The following INSYN2A variants were observed in gnomAD, a reference collection of about 807,000 sequenced individuals.
The protein encoded by INSYN2A is inhibitory synaptic factor 2A.
In INSYN2A, 17 loss-of-function variants were observed where a neutral mutation model predicts 39.4. The observed-to-expected ratio is 0.43, with a 90% CI of 0.30 to 0.65. The LOEUF (loss-of-function observed/expected upper bound fraction) is 0.65. Among genes scored for constraint, INSYN2A ranks in the 30% least tolerant of loss-of-function variants. The probability of loss-of-function intolerance (pLI) is 0.14; values close to 1 mark genes in which losing one functional copy is unlikely to be tolerated. For missense variants in INSYN2A, 595 were observed against 631.2 expected (o/e 0.94, Z 0.61); for synonymous variants, 255 against 265.7 (o/e 0.96, Z 0.39).
In INSYN2A at chr10:127,137,893, G is replaced by T. The variant is rs542825513; in HGVS notation, c.1384C>A (p.Gln462Lys). 4 of 1,614,124 alleles carry T rather than the reference G, an allele frequency of 2.5e-6. No individual in the cohort carries two copies. The highest frequency in any genetic ancestry group is 1.3e-5 in the African/African-American group (1 of 75,034). The change falls in exon 6 of 6, where the codon CAA becomes AAA. Residue 462 changes from glutamine to lysine, a missense_variant. By Grantham distance (53) the Gln-to-Lys change is moderately conservative. Around this residue, in one of 2 missense-constraint regions of INSYN2A, gnomAD observed 117 missense variants for 163.8 expected, o/e 0.71. Coordinates refer to ENST00000522781, the MANE Select transcript of INSYN2A (RefSeq NM_001039762.3). ...SQETYSSTPK[Q>K]KSKTESKKHG... ...TTTTTAGATTCAGTTTTGGATTTTTGCTTGGGAGTTGAGGAGTAAGTCTCC... is the reference window on the plus strand; with the variant it reads ...TTTTTAGATTCAGTTTTGGATTTTTTCTTGGGAGTTGAGGAGTAAGTCTCC...
At chr10:127,186,123 A>C (rs1192604473) in intron 2 of INSYN2A, among the ~76,000 whole-genome samples, 1 of 152,104 alleles carries the variant, frequency 6.6e-6, no homozygotes, top group African/African-American at 2.4e-5. Context: ...TTTCAGAGGG[A>C]AAAAAACAAT....
At chr10:127,153,712 A>T (rs1396166916) in intron 5 of INSYN2A, 140 bp downstream of exon 5, 1 of 658,592 alleles carries the variant, frequency 1.5e-6, no homozygotes, top group African/African-American at 1.8e-5. Flanking sequence ...GAGGTAGCTT[A>T]GAATTACAGT....
At chr10:127,170,597 C>T (rs1157060095) in intron 4 of INSYN2A, among the ~76,000 whole-genome samples, 4 of 152,190 alleles carry the variant, frequency 2.6e-5, no homozygotes, top group Non-Finnish European at 5.9e-5. Flanking sequence ...GGTTGCCACA[C>T]TGTAGTTGCT....
At chr10:127,139,586 A>G (rs898829713) in intron 5 of INSYN2A, among the ~76,000 whole-genome samples, 4 of 152,208 alleles carry the variant, frequency 2.6e-5, no homozygotes, top group Non-Finnish European at 5.9e-5. Flanking sequence ...TTCTAAGGAC[A>G]GTTGTGAAAA....
chr10:127,156,907 T>C (rs2053141942), intron 4 of INSYN2A, among the ~76,000 whole-genome samples: 1 of 152,208 alleles, frequency 6.6e-6, no homozygotes, highest in Admixed American at 6.5e-5. Flanking sequence ...GAAAAGACTT[T>C]ACTGCAGTCA....
At chr10:127,141,472 G>T (rs1204570360) in intron 5 of INSYN2A, among the ~76,000 whole-genome samples, 1 of 152,134 alleles carries the variant, frequency 6.6e-6, no homozygotes. Flanking sequence ...GGAGGCCGAG[G>T]TGGGCGGATC....
At chr10:127,150,796 G>T (rs2052412473) in intron 5 of INSYN2A, among the ~76,000 whole-genome samples, 1 of 152,206 alleles carries the variant, frequency 6.6e-6, no homozygotes, top group African/African-American at 2.4e-5. Flanking sequence ...GGTCAAGTAT[G>T]GATTCAGAAG....
At chr10:127,155,107 C>T (rs560570853) in intron 4 of INSYN2A, among the ~76,000 whole-genome samples, 91 of 152,312 alleles carry the variant, frequency 6.0e-4, no homozygotes, top group Middle Eastern at 6.8e-3. Flanking sequence ...CAAATTTCCA[C>T]GTACAGAGCT....
intron 5 of INSYN2A, among the ~76,000 whole-genome samples, chr10:127,140,553 A>C (rs1028016755): frequency 2.0e-5 from 3 of 152,048 alleles, no homozygotes; most frequent in African/African-American, 7.2e-5. Flanking sequence ...TGAAGGAATA[A>C]TGTGCATTGT....
At chr10:127,188,757 A>G (rs572213763) in intron 2 of INSYN2A, among the ~76,000 whole-genome samples, 2 of 152,362 alleles carry the variant, frequency 1.3e-5, no homozygotes, top group South Asian at 4.1e-4. Flanking sequence ...ACACTTGTGT[A>G]TAACACTCAG....
intron 4 of INSYN2A, among the ~76,000 whole-genome samples, chr10:127,156,283 A>G (rs1373205576): frequency 6.6e-6 from 1 of 152,148 alleles, no homozygotes; most frequent in East Asian, 1.9e-4. Flanking sequence ...GTCACACTTC[A>G]GGTCCAGGAT....
chr10:127,196,398 C>A lies in INSYN2A; in HGVS notation c.-796G>T, dbSNP rs2057152254. On this transcript the variant is annotated 5_prime_UTR_variant, in exon 1 of 6. Coordinates refer to ENST00000522781, the MANE Select transcript of INSYN2A (RefSeq NM_001039762.3). ...GCTCCTCCGATGTCCTCATTTACTG[C>A]AATTGTCTTCGGCGAGATCTCAGAG... 6.7e-6 allele frequency among the ~76,000 whole-genome samples: 1 copy of A among 148,688 alleles called. No individual in the cohort carries two copies. The highest frequency in any genetic ancestry group is 2.1e-4 in the South Asian group (1 of 4,826).
intron 2 of INSYN2A, among the ~76,000 whole-genome samples, chr10:127,185,771 T>C (rs1288263955): frequency 6.6e-6 from 1 of 152,108 alleles, no homozygotes. Context: ...CTACCTTGAG[T>C]GGTTGTTGTA....
rs188302723 is a variant in INSYN2A at position 127,184,320 on chromosome 10, C to A, written c.-268-7181G>T. Among the ~76,000 whole-genome samples, 21 of 151,018 alleles carry A rather than the reference C, an allele frequency of 1.4e-4. 1 individual carries two copies. Among genetic ancestry groups the A allele is most frequent in the Non-Finnish European group, 1.9e-4 (13 of 67,848 alleles). ...ACGGCTTGCTCAATTCATTCCCCCC[C>A]CAGTCTAATCCCCCAAATCAGTCGT... is the stretch of plus-strand genomic sequence containing the variant. On this transcript the variant is annotated intron_variant, in intron 2 of 5. Transcript: ENST00000522781.
chr10:127,174,340 C>G (rs559292741), intron 4 of INSYN2A, among the ~76,000 whole-genome samples: 1 of 152,146 alleles, frequency 6.6e-6, no homozygotes, highest in Non-Finnish European at 1.5e-5. Context: ...AGGCGAAGTC[C>G]GATAACCCCC....
rs2134180752 is a variant in INSYN2A at position 127,196,539 on chromosome 10, G to C, written c.-937C>G. 6.8e-6 allele frequency among the ~76,000 whole-genome samples: 1 copy of C among 147,452 alleles called. No individual in the cohort carries two copies. Among genetic ancestry groups the C allele is most frequent in the East Asian group, 2.0e-4 (1 of 4,994 alleles). On this transcript the variant is annotated 5_prime_UTR_variant, in exon 1 of 6. Transcript: ENST00000522781. The stretch of plus-strand genomic sequence containing the variant: ...GCGGCCAGAGGCGAGGGCGCCCCAA[G>C]CCGCGCGCCTGCCGCCTGTGCGCCC...
intron 2 of INSYN2A, among the ~76,000 whole-genome samples, chr10:127,189,657 T>C (rs1204280486): frequency 6.6e-6 from 1 of 152,202 alleles, no homozygotes. Flanking sequence ...AATGCAGTTA[T>C]CATTGGGCAA....
At chr10:127,153,951 C>T (rs760160635) in intron 4 of INSYN2A, 28 bp from the exon 5 acceptor site, 9 of 1,580,636 alleles carry the variant, frequency 5.7e-6, no homozygotes, top group Non-Finnish European at 5.2e-6. Context: ...GAGAGCATTA[C>T]AAGCGGTGGC....
chr10:127,155,631 C>T lies in INSYN2A; in HGVS notation c.1185-1708G>A, dbSNP rs141077661. On this transcript the variant is annotated intron_variant, in intron 4 of 5. Transcript: ENST00000522781. Reference sequence around the variant, plus strand: ...TTGTAGTCCTTACCCCTTTCCTCCTCATGGCAAGCCCCAAGAATGCATTCC... The same window carrying T: ...TTGTAGTCCTTACCCCTTTCCTCCTTATGGCAAGCCCCAAGAATGCATTCC... 4.6e-4 allele frequency among the ~76,000 whole-genome samples: 70 copies of T among 152,284 alleles called. No homozygotes were observed. The East Asian group carries it at 0.013, about 28-fold the overall frequency.
Sources: allele counts gnomAD v4.1 joint callset (sites outside exome capture counted in the v4.1 genomes callset), GRCh38; gene constraint gnomAD v4.1.1; regional missense constraint gnomAD v4.1.1; transcripts MANE v1.5; gene names NCBI Gene and HGNC (gene_info 2026-07-23, HGNC 2026-07-21).